The following TRIM24 variants were observed in gnomAD, a reference collection of about 807,000 sequenced individuals.
TRIM24 encodes tripartite motif containing 24.
A neutral mutation model predicts 123.9 loss-of-function variants in TRIM24; 29 were observed. The observed-to-expected ratio is 0.23, with a 90% CI of 0.17 to 0.32. The LOEUF is 0.32. Among genes scored for constraint, TRIM24 ranks in the 10% least tolerant of loss-of-function variants. The probability of loss-of-function intolerance (pLI) is 1.00; values close to 1 mark genes in which losing one functional copy is unlikely to be tolerated. For synonymous variants in TRIM24, 456 were observed against 461.1 expected (o/e 0.99, Z 0.14); for missense variants, 932 against 1,295.3 (o/e 0.72, Z 4.31).
chr7:138,460,876 T>G lies in TRIM24; in HGVS notation c.328T>G (p.Ser110Ala). 6.5e-7 allele frequency: 1 copy of G among 1,536,576 alleles called. No homozygotes were observed. Among genetic ancestry groups the G allele is most frequent in the Non-Finnish European group, 8.7e-7 (1 of 1,151,058 alleles). Reference sequence around the variant, plus strand: ...CCCGCCACCCGTCCCTGCCCCCGGCTCGCCGGTCAGCGGCTCGTCGCCGTT... The same window carrying G: ...CCCGCCACCCGTCCCTGCCCCCGGCGCGCCGGTCAGCGGCTCGTCGCCGTT... ...ETPPPVPAPG[S>A]PVSGSSPFAT... is the part of the protein sequence containing the mutation. The change falls in exon 1 of 19, where the codon TCG becomes GCG. Residue 110 changes from serine to alanine, a missense_variant. Physicochemically the swap from Ser to Ala is moderately conservative, Grantham distance 99. Around this residue, in one of 7 missense-constraint regions of TRIM24, gnomAD observed 164 missense variants for 181.9 expected, o/e 0.90. Transcript: ENST00000343526.
intron 1 of TRIM24, among the ~76,000 whole-genome samples, chr7:138,471,417 C>CA: frequency 6.6e-6 from 1 of 152,002 alleles, no homozygotes; most frequent in Non-Finnish European, 1.5e-5. Flanking sequence ...TTTCAAATGC[C>CA]ATATCCTCTT....
intron 3 of TRIM24, among the ~76,000 whole-genome samples, chr7:138,517,892 TG>T (rs1418028997): frequency 6.6e-6 from 1 of 152,232 alleles, no homozygotes; most frequent in Non-Finnish European, 1.5e-5. Flanking sequence ...TTTATTAAAT[TG>T]TCAAAGGTGA....
chr7:138,520,288 T>C lies in TRIM24; in HGVS notation c.764+967T>C, dbSNP rs545378160. Among the ~76,000 whole-genome samples, 8 of 152,338 alleles carry C rather than the reference T, an allele frequency of 5.3e-5. No individual in the cohort carries two copies. The South Asian group carries it at 1.4e-3, about 28-fold the overall frequency. The stretch of plus-strand genomic sequence containing the variant: ...ACTATTATAGTAAAGATAAATTAGC[T>C]AGTAAGTTGTTCCTCACAGGGACTA... On this transcript the variant is annotated intron_variant, in intron 4 of 18. Coordinates refer to ENST00000343526, the MANE Select transcript of TRIM24 (RefSeq NM_015905.3).
At chr7:138,584,128 G>A in intron 18 of TRIM24, 129 bp downstream of exon 18, 5 of 995,698 alleles carry the variant, frequency 5.0e-6, no homozygotes, top group Non-Finnish European at 7.2e-6. Flanking sequence ...TTCAGATCAG[G>A]GAATGCAAGA....
rs190894515 is a variant in TRIM24, at chr7:138,487,557, G to A, written c.365-16733G>A. On this transcript the variant is annotated intron_variant, in intron 1 of 18. Coordinates refer to ENST00000343526, the MANE Select transcript of TRIM24 (RefSeq NM_015905.3). ...TTATTGAGAGTTTTTAGCATGAAGG[G>A]CTGTTGAATTTTGTCAAAGGCCTTT... Among the ~76,000 whole-genome samples the A allele has an allele frequency of 4.2e-3, 646 of 152,268 alleles. 5 individuals carry two copies. The highest frequency in any genetic ancestry group is 0.015 in the African/African-American group (628 of 41,560).
At chr7:138,485,700 C>T (rs1019337694) in intron 1 of TRIM24, among the ~76,000 whole-genome samples, 107 of 152,282 alleles carry the variant, frequency 7.0e-4, no homozygotes, top group Middle Eastern at 6.8e-3. Context: ...CATAGTATTC[C>T]ATGGTGTATA....
chr7:138,548,410 TGA>T (rs1797143531), intron 7 of TRIM24, among the ~76,000 whole-genome samples: 1 of 148,014 alleles, frequency 6.8e-6, no homozygotes, highest in African/African-American at 2.5e-5. Context: ...GGTGACAGAG[TGA>T]GAGTCAAAAA....
intron 1 of TRIM24, among the ~76,000 whole-genome samples, chr7:138,461,750 T>C (rs926716168): frequency 2.0e-5 from 3 of 152,338 alleles, no homozygotes; most frequent in African/African-American, 7.2e-5. Flanking sequence ...CACTTGGCGG[T>C]TTTTAAATTT....
chr7:138,479,167 T>C (rs1259895916), intron 1 of TRIM24, among the ~76,000 whole-genome samples: 1 of 152,128 alleles, frequency 6.6e-6, no homozygotes, highest in African/African-American at 2.4e-5. Context: ...CTCCCCACCA[T>C]GAACTGAAAA....
chr7:138,482,905 G>A (rs1795560446), intron 1 of TRIM24, among the ~76,000 whole-genome samples: 1 of 150,400 alleles, frequency 6.6e-6, no homozygotes, highest in Admixed American at 6.6e-5. Context: ...GCCCAAATAT[G>A]TTTTATGTCT....
chr7:138,468,892 T>G (rs1795209437), intron 1 of TRIM24, among the ~76,000 whole-genome samples: 3 of 152,240 alleles, frequency 2.0e-5, no homozygotes. Flanking sequence ...CGAATCTCTC[T>G]GGCTCCTTTG....
intron 6 of TRIM24, among the ~76,000 whole-genome samples, chr7:138,537,488 T>A (rs1183804120): frequency 6.7e-6 from 1 of 150,316 alleles, no homozygotes; most frequent in African/African-American, 2.4e-5. Flanking sequence ...CCCTTTTATC[T>A]GTTAAGACTC....
Position 138,584,955 on chromosome 7 carries a change from G to A in TRIM24, c.*4G>A, listed in dbSNP as rs768015150. ...AGAACGCCAGTTGCTTAAATAATATGCAGCACCACTAGCTTGTGCTGGTTT... is the reference window on the plus strand; with the variant it reads ...AGAACGCCAGTTGCTTAAATAATATACAGCACCACTAGCTTGTGCTGGTTT... On this transcript the variant is annotated 3_prime_UTR_variant, in exon 19 of 19. Transcript: ENST00000343526. 6.2e-7 allele frequency: 1 copy of A among 1,601,274 alleles called. No individual in the cohort carries two copies. Among genetic ancestry groups the A allele is most frequent in the East Asian group, 2.2e-5 (1 of 44,806 alleles).
chr7:138,485,714 G>A (rs139386179), intron 1 of TRIM24, among the ~76,000 whole-genome samples: 90 of 152,196 alleles, frequency 5.9e-4, no homozygotes, highest in East Asian at 3.3e-3. Context: ...GTGTATATGC[G>A]CCACATTTTC....
At position 138,580,538 on chromosome 7, in the gene TRIM24, C is replaced by T. The variant is rs772256638; in HGVS notation, c.2586-24C>T. On this transcript the variant is annotated intron_variant, in intron 15 of 18. Coordinates refer to ENST00000343526, the MANE Select transcript of TRIM24 (RefSeq NM_015905.3). ...GAGAGGAAATGATGCATTAGGAATT[C>T]AAAAGTACATTGTCCCCTAACAGTG... 7 of 1,595,796 alleles carry T rather than the reference C, an allele frequency of 4.4e-6. No individual in the cohort carries two copies. The South Asian group carries it at 7.9e-5, about 18-fold the overall frequency.
chr7:138,507,485 C>T (rs376442119), intron 2 of TRIM24, among the ~76,000 whole-genome samples: 10 of 151,520 alleles, frequency 6.6e-5, no homozygotes, highest in African/African-American at 1.9e-4. Context: ...CCCACCATCA[C>T]GCCTGGCTAA....
At chr7:138,507,641 G>A (rs1349760762) in intron 2 of TRIM24, among the ~76,000 whole-genome samples, 3 of 152,018 alleles carry the variant, frequency 2.0e-5, no homozygotes, top group Admixed American at 6.6e-5. Context: ...AAATATTTTG[G>A]TATGTACTTC....
rs368868534 is a variant in TRIM24 at position 138,527,018 on chromosome 7, G to C, written c.881+1661G>C. Among the ~76,000 whole-genome samples, 176 of 151,960 alleles carry C rather than the reference G, an allele frequency of 1.2e-3. 3 individuals are homozygous for C. In the South Asian group the frequency reaches 0.035, roughly 30 times the overall value. On this transcript the variant is annotated intron_variant, in intron 5 of 18. Coordinates refer to ENST00000343526, the MANE Select transcript of TRIM24 (RefSeq NM_015905.3). ...TTTCTTACTGTTTCACTGAGTATAT[G>C]GTTTGATTTATGGTCAAAGTTTACA...
intron 15 of TRIM24, among the ~76,000 whole-genome samples, 171 bp downstream of exon 15, chr7:138,579,703 T>G (rs925737407): frequency 2.0e-5 from 3 of 152,188 alleles, no homozygotes; most frequent in Non-Finnish European, 4.4e-5. Flanking sequence ...TTCTTTGTGC[T>G]TCTTTCAAAA....
Sources: allele counts gnomAD v4.1 joint callset (sites outside exome capture counted in the v4.1 genomes callset), GRCh38; gene constraint gnomAD v4.1.1; regional missense constraint gnomAD v4.1.1; transcripts MANE v1.5; gene names NCBI Gene and HGNC (gene_info 2026-07-23, HGNC 2026-07-21).